Variants in FAM20A observed in about 807,000 individuals in gnomAD.
FAM20A encodes FAM20A golgi associated secretory pathway pseudokinase.
Under a neutral mutation model 52.0 loss-of-function variants are expected in FAM20A, and 42 were observed. That is an observed-to-expected ratio of 0.81 (90% CI 0.63 to 1.04). The LOEUF (loss-of-function observed/expected upper bound fraction) is 1.04. Among genes scored for constraint, FAM20A ranks in the 50% least tolerant of loss-of-function variants. The pLI, the probability that FAM20A is intolerant of heterozygous loss-of-function variation, is 0.00. For synonymous variants in FAM20A, 304 were observed against 298.9 expected (o/e 1.02, Z -0.18); for missense variants, 742 against 712.7 (o/e 1.04, Z -0.47).
intron 1 of FAM20A, among the ~76,000 whole-genome samples, chr17:68,579,905 C>T (rs983963324): frequency 8.5e-5 from 13 of 152,184 alleles, no homozygotes; most frequent in Non-Finnish European, 1.2e-4. Context: ...CTGGAACACA[C>T]GGGAGAACAA....
At chr17:68,570,057 C>T (rs1598048570) in intron 1 of FAM20A, among the ~76,000 whole-genome samples, 1 of 152,268 alleles carries the variant, frequency 6.6e-6, no homozygotes, top group East Asian at 1.9e-4. Flanking sequence ...GCATCCTGAG[C>T]ACATAACAGA....
At chr17:68,593,675 G>T (rs1242852682) in intron 1 of FAM20A, among the ~76,000 whole-genome samples, 1 of 152,198 alleles carries the variant, frequency 6.6e-6, no homozygotes, top group Non-Finnish European at 1.5e-5. Flanking sequence ...CCAAATCCTG[G>T]TGTCATCTGT....
At chr17:68,541,017 C>A (rs1388648933) in intron 7 of FAM20A, 59 bp from the exon 8 acceptor site, 1 of 1,547,156 alleles carries the variant, frequency 6.5e-7, no homozygotes, top group Non-Finnish European at 8.7e-7. Context: ...TGTCGGGGGT[C>A]TCCCCACACC....
intron 4 of FAM20A, among the ~76,000 whole-genome samples, chr17:68,544,678 G>T (rs2086466970): frequency 6.6e-6 from 1 of 152,168 alleles, no homozygotes; most frequent in African/African-American, 2.4e-5. Flanking sequence ...CAAAAGTAGA[G>T]ATTCTATTTT....
At chr17:68,554,035 C>CATAT (rs202214787) in intron 3 of FAM20A, among the ~76,000 whole-genome samples, 7 of 123,164 alleles carry the variant, frequency 5.7e-5, no homozygotes, top group Non-Finnish European at 1.1e-4. Context: ...TATATACACA[C>CATAT]ATGCATATAT....
chr17:68,551,757 T>C, intron 4 of FAM20A, 116 bp downstream of exon 4: 1 of 674,414 alleles, frequency 1.5e-6, no homozygotes, highest in Non-Finnish European at 2.8e-6. Flanking sequence ...TTGGGCAGAT[T>C]AGAGAATCTC....
intron 8 of FAM20A, among the ~76,000 whole-genome samples, chr17:68,540,200 C>G (rs895763622): frequency 6.6e-6 from 1 of 152,228 alleles, no homozygotes; most frequent in Non-Finnish European, 1.5e-5. Context: ...AAGGCTTTCA[C>G]CCCTGCCCCT....
At chr17:68,575,791 T>TACACACACACACACACACACACACACAC (rs761949775) in intron 1 of FAM20A, among the ~76,000 whole-genome samples, 20 of 104,212 alleles carry the variant, frequency 1.9e-4, no homozygotes, top group East Asian at 8.5e-4. Flanking sequence ...TTTTATATTA[T>TACACACACACACACACACACACACACAC]ACACACACAC....
chr17:68,551,282 T>C (rs972055605), intron 4 of FAM20A: 2 of 457,018 alleles, frequency 4.4e-6, no homozygotes, highest in Admixed American at 4.4e-5. Context: ...GTAGTTGCTG[T>C]TGTTATGAAT....
chr17:68,537,399 A>C lies in FAM20A; in HGVS notation c.*78T>G, dbSNP rs575973949. On this transcript the variant is annotated 3_prime_UTR_variant, in exon 11 of 11. Coordinates refer to ENST00000592554, the MANE Select transcript of FAM20A (RefSeq NM_017565.4). The surrounding 1 kb of genome is among the most constrained non-coding windows in gnomAD (Gnocchi z 4.2). Reference sequence around the variant, plus strand: ...TTGACTCCCAGCAGTAACAGGTGGGAGTGAGGACGCAGGGTCGGCACTCGA... The same window carrying C: ...TTGACTCCCAGCAGTAACAGGTGGGCGTGAGGACGCAGGGTCGGCACTCGA... The C allele has an allele frequency of 1.9e-6, 3 of 1,579,730 alleles. No homozygotes were observed. The highest frequency in any genetic ancestry group is 2.7e-5 in the African/African-American group (2 of 74,294).
rs537397943 is a variant in FAM20A at position 68,540,876 on chromosome 17, C to A, written c.1192G>T (p.Asp398Tyr). Residue 398 changes from aspartate (D) to tyrosine (Y), a missense_variant, in exon 8 of 11, where the codon GAC (aspartate) becomes TAC (tyrosine). Transcript: ENST00000592554. ...NNSQRLLNVI[D>Y]MAIFDFLIGN... ...ATCAAGAAGTCGAAGATGGCCATGT[C>A]GATGACATTGAGGAGCCGCTGGCTG... The A allele has an allele frequency of 1.2e-6, 2 of 1,604,190 alleles. No homozygotes were observed. Among genetic ancestry groups the A allele is most frequent in the Non-Finnish European group, 1.7e-6 (2 of 1,175,362 alleles).
intron 1 of FAM20A, among the ~76,000 whole-genome samples, chr17:68,567,666 T>C (rs67717905): frequency 0.16 from 24,728 of 151,924 alleles, 2,353 homozygotes; most frequent in East Asian, 0.34. Flanking sequence ...TTGTCCTGCA[T>C]TGAAGCAAAG....
chr17:68,552,088 A>G (rs1369177003), intron 3 of FAM20A, 137 bp from the exon 4 acceptor site: 4 of 689,510 alleles, frequency 5.8e-6, no homozygotes. Flanking sequence ...TGTGCTCTCC[A>G]TAGCCTGCAG....
intron 10 of FAM20A, 77 bp downstream of exon 10, chr17:68,539,260 C>T: frequency 6.7e-7 from 1 of 1,486,226 alleles, no homozygotes. Flanking sequence ...ACTGGAAGCC[C>T]TTCAGACCTT....
intron 1 of FAM20A, among the ~76,000 whole-genome samples, chr17:68,576,899 G>A (rs1309091427): frequency 6.6e-6 from 1 of 152,112 alleles, no homozygotes; most frequent in Non-Finnish European, 1.5e-5. Flanking sequence ...GACATTCTAG[G>A]AGCTGGGACT....
At position 68,600,538 on chromosome 17, in the gene FAM20A, C is replaced by T. The variant is rs758544067; in HGVS notation, c.129G>A (p.Gly43=). Residue 43 remains glycine (G), a synonymous_variant, in exon 1 of 11, where the codon GGG becomes GGA. Transcript: ENST00000592554. This position sits in a 1 kb window ranked among gnomAD's most constrained non-coding sequence, Gnocchi z 6.2. ...RQLRPRERPR[G]CPCTGRASSL... is the part of the protein sequence containing the mutation. The stretch of plus-strand genomic sequence containing the variant: ...AGGAGGCGCGGCCGGTGCACGGGCA[C>T]CCCCGCGGGCGCTCCCGAGGCCGCA... 20 of 1,560,616 alleles carry T rather than the reference C, an allele frequency of 1.3e-5. No homozygotes were observed. The highest frequency in any genetic ancestry group is 5.8e-5 in the Admixed American group (3 of 51,944).
chr17:68,580,096 TA>T (rs1426973139), intron 1 of FAM20A, among the ~76,000 whole-genome samples: 1 of 152,160 alleles, frequency 6.6e-6, no homozygotes, highest in African/African-American at 2.4e-5. Context: ...TTAAAGAAAC[TA>T]AGGTCCACAA....
intron 5 of FAM20A, 83 bp downstream of exon 5, chr17:68,543,546 C>A: frequency 8.2e-7 from 1 of 1,219,186 alleles, no homozygotes; most frequent in South Asian, 1.2e-5. Flanking sequence ...CCAGGGAGTT[C>A]CCACCTTGAG....
intron 8 of FAM20A, 63 bp from the exon 9 acceptor site, chr17:68,540,029 G>C (rs2086218971): frequency 1.4e-6 from 2 of 1,443,354 alleles, no homozygotes; most frequent in African/African-American, 2.8e-5. Context: ...CTCCTGACCT[G>C]AGTTCTCTCC....
Sources: allele counts gnomAD v4.1 joint callset (sites outside exome capture counted in the v4.1 genomes callset), GRCh38; gene constraint gnomAD v4.1.1; non-coding constraint Gnocchi (gnomAD v3.1); transcripts MANE v1.5; gene names NCBI Gene and HGNC (gene_info 2026-07-23, HGNC 2026-07-21).